Variants in IQCH observed in about 807,000 individuals in gnomAD.
The protein encoded by IQCH is IQ domain-containing protein H.
A neutral mutation model predicts 117.0 loss-of-function variants in IQCH; 98 were observed. The ratio of observed to expected loss-of-function variants is 0.84; its 90% CI spans 0.71 to 0.99. The LOEUF is 0.99. Ranked by LOEUF, IQCH falls within the 50% of genes least tolerant of loss-of-function variation. The pLI is 0.00. For synonymous variants in IQCH, 412 were observed against 448.2 expected (o/e 0.92, Z 1.02); for missense variants, 1,102 against 1,243.8 (o/e 0.89, Z 1.72).
chr15:67,263,982 C>T (rs557088451), intron 3 of IQCH, among the ~76,000 whole-genome samples: 2 of 152,322 alleles, frequency 1.3e-5, no homozygotes, highest in African/African-American at 4.8e-5. Context: ...TTTATATATG[C>T]ACCCAGCATA....
At position 67,454,457 on chromosome 15, in the gene IQCH, T is replaced by C. The variant is rs1195221374; in HGVS notation, c.2506-10670T>C. The stretch of plus-strand genomic sequence containing the variant: ...CACACTTTTAAAATATACATTACAA[T>C]GGTTTTTAGTATATTCACAGAGTTG... On this transcript the variant is annotated intron_variant, in intron 16 of 20. Transcript: ENST00000335894. This position sits in a 1 kb window ranked among gnomAD's most constrained non-coding sequence, Gnocchi z 5.2. Among the ~76,000 whole-genome samples the C allele has an allele frequency of 6.6e-6, 1 of 152,318 alleles. No individual in the cohort carries two copies. The highest frequency in any genetic ancestry group is 2.4e-5 in the African/African-American group (1 of 41,582).
intron 6 of IQCH, among the ~76,000 whole-genome samples, chr15:67,347,296 T>G (rs1164300426): frequency 2.0e-5 from 3 of 151,320 alleles, no homozygotes; most frequent in Admixed American, 6.6e-5. Context: ...TAACCAAGAT[T>G]AAAAGAGAGA....
At chr15:67,361,513 T>C (rs1274899502) in intron 8 of IQCH, among the ~76,000 whole-genome samples, 3 of 152,224 alleles carry the variant, frequency 2.0e-5, no homozygotes, top group Non-Finnish European at 4.4e-5. Flanking sequence ...ACATATTACA[T>C]TTATTGCATT....
At chr15:67,375,656 A>G (rs1970710864) in intron 10 of IQCH, among the ~76,000 whole-genome samples, 1 of 152,168 alleles carries the variant, frequency 6.6e-6, no homozygotes, top group South Asian at 2.1e-4. Flanking sequence ...GTAATTTCTA[A>G]GAGATAAGAA....
At position 67,404,897 on chromosome 15, in the gene IQCH, G is replaced by A. The variant is rs1971825508; in HGVS notation, c.2097+4592G>A. On this transcript the variant is annotated intron_variant, in intron 14 of 20. Coordinates refer to ENST00000335894, the MANE Select transcript of IQCH (RefSeq NM_001031715.3). The surrounding 1 kb of genome is among the most constrained non-coding windows in gnomAD (Gnocchi z 4.6). ...TTACTTCCCGAGGAGAAAGACCCAG[G>A]AGTAGAATATTTTATGGCTTTTGTT... 6.6e-6 allele frequency: 1 copy of A among 152,146 alleles called. No homozygotes were observed. The highest frequency in any genetic ancestry group is 2.4e-5 in the African/African-American group (1 of 41,436). 9.4% of individuals were successfully genotyped at this position (152,146 alleles called of 1,614,324 possible).
chr15:67,308,670 T>C (rs1317301879), intron 4 of IQCH, among the ~76,000 whole-genome samples: 3 of 152,092 alleles, frequency 2.0e-5, no homozygotes, highest in Non-Finnish European at 4.4e-5. Context: ...TCCACTAATA[T>C]GGCAGTGAAG....
At chr15:67,298,287 G>A (rs1395925064) in intron 4 of IQCH, among the ~76,000 whole-genome samples, 2 of 148,312 alleles carry the variant, frequency 1.3e-5, no homozygotes, top group African/African-American at 5.0e-5. Flanking sequence ...CTCAGCCTGG[G>A]TGACAGAGCA....
At chr15:67,255,111 G>C in intron 1 of IQCH, 164 bp downstream of exon 1, 1 of 679,560 alleles carries the variant, frequency 1.5e-6, no homozygotes, top group Non-Finnish European at 2.7e-6. Context: ...CTTCCCCCAC[G>C]GCCCAGCACA....
Position 67,388,823 on chromosome 15 carries a change from G to A in IQCH, c.1457-8G>A, listed in dbSNP as rs752263142. 6.2e-7 allele frequency: 1 copy of A among 1,610,716 alleles called. No individual in the cohort carries two copies. Among genetic ancestry groups the A allele is most frequent in the South Asian group, 1.1e-5 (1 of 90,908 alleles). The stretch of plus-strand genomic sequence containing the variant: ...ACCAGTAATTAACATTGTGCCTGTT[G>A]TTTTTAGATGCCAATGTGAATGTCA... On this transcript the variant is annotated splice_region_variant and splice_polypyrimidine_tract_variant and intron_variant, in intron 11 of 20. Transcript: ENST00000335894. This position sits in a 1 kb window ranked among gnomAD's most constrained non-coding sequence, Gnocchi z 5.5.
rs1209154186 is a variant in IQCH, at chr15:67,431,190, A to G, written c.2505+9613A>G. Among the ~76,000 whole-genome samples, 2 of 152,218 alleles carry G rather than the reference A, an allele frequency of 1.3e-5. No individual in the cohort carries two copies. Among genetic ancestry groups the G allele is most frequent in the Non-Finnish European group, 2.9e-5 (2 of 68,042 alleles). ...CAAATATCATGTTGGATTCACCTCA[A>G]GTAAATATACATTTATATAGCAATT... On this transcript the variant is annotated intron_variant, in intron 16 of 20. Transcript: ENST00000335894. This position sits in a 1 kb window ranked among gnomAD's most constrained non-coding sequence, Gnocchi z 4.8.
At chr15:67,480,872 C>T (rs1260320339) in intron 18 of IQCH, among the ~76,000 whole-genome samples, 2 of 151,774 alleles carry the variant, frequency 1.3e-5, no homozygotes, top group East Asian at 1.9e-4. Flanking sequence ...TAGGCATTGC[C>T]GACTGCATTT....
chr15:67,401,025 T>C lies in IQCH; in HGVS notation c.2097+720T>C, dbSNP rs1232074857. ...TAGTGAATTGTTGTCACCTGGAAGC[T>C]AATGTATAATAGCATTCTGTCAGCA... is the stretch of plus-strand genomic sequence containing the variant. On this transcript the variant is annotated intron_variant, in intron 14 of 20. Transcript: ENST00000335894. The surrounding 1 kb of genome is among the most constrained non-coding windows in gnomAD (Gnocchi z 4.7). 6.6e-6 allele frequency among the ~76,000 whole-genome samples: 1 copy of C among 152,210 alleles called. No homozygotes were observed. Among genetic ancestry groups the C allele is most frequent in the Non-Finnish European group, 1.5e-5 (1 of 68,038 alleles).
chr15:67,292,544 C>T (rs1052422942), intron 4 of IQCH, among the ~76,000 whole-genome samples: 1 of 152,062 alleles, frequency 6.6e-6, no homozygotes, highest in Non-Finnish European at 1.5e-5. Context: ...TAAGCCAGCT[C>T]CCAGGCTTCA....
At chr15:67,435,868 C>T in intron 16 of IQCH, among the ~76,000 whole-genome samples, 1 of 148,066 alleles carries the variant, frequency 6.8e-6, no homozygotes, top group Non-Finnish European at 1.5e-5. Context: ...AAGACCCTGT[C>T]TAAAAAAAAA....
chr15:67,499,368 TAA>T (rs1474109301), intron 20 of IQCH, among the ~76,000 whole-genome samples: 1 of 127,918 alleles, frequency 7.8e-6, no homozygotes, highest in East Asian at 2.5e-4. Flanking sequence ...CTCAACATCA[TAA>T]GTTATTAGGG....
chr15:67,480,659 A>G (rs554492978), intron 18 of IQCH, among the ~76,000 whole-genome samples: 9 of 152,310 alleles, frequency 5.9e-5, no homozygotes, highest in South Asian at 2.1e-4. Flanking sequence ...TAGTCAGGCA[A>G]TGAGTGGCTG....
rs187363322 is a variant in IQCH at position 67,259,797 on chromosome 15, G to A, written c.52-1475G>A. On this transcript the variant is annotated intron_variant, in intron 1 of 20. Transcript: ENST00000335894. ...CAGACAATAGATGGCAAATCAGCTT[G>A]CAGCAGTAATTTGGACAAAACAATA... 1.9e-4 allele frequency among the ~76,000 whole-genome samples: 29 copies of A among 152,352 alleles called. No homozygotes were observed. The East Asian group carries it at 5.4e-3, about 28-fold the overall frequency.
At chr15:67,327,039 A>T (rs1238042024) in intron 4 of IQCH, among the ~76,000 whole-genome samples, 1 of 152,216 alleles carries the variant, frequency 6.6e-6, no homozygotes, top group Non-Finnish European at 1.5e-5. Flanking sequence ...GAAATTCTTA[A>T]TCTAGAATAT....
At chr15:67,399,501 T>G (rs1971574371) in intron 13 of IQCH, among the ~76,000 whole-genome samples, 1 of 152,244 alleles carries the variant, frequency 6.6e-6, no homozygotes, top group African/African-American at 2.4e-5. Flanking sequence ...AGGTGTGTAT[T>G]CCAGGAAGTT....
Sources: gnomAD v4.1 joint callset for allele counts (sites outside exome capture counted in the v4.1 genomes callset) on GRCh38, gnomAD v4.1.1 for gene constraint, Gnocchi (gnomAD v3.1) non-coding constraint, MANE v1.5 for transcripts, NCBI Gene and HGNC (gene_info 2026-07-23, HGNC 2026-07-21) for gene names.